The following GPM6B variants were observed in gnomAD, a reference collection of about 807,000 sequenced individuals.
GPM6B encodes glycoprotein M6B, also known as neuronal membrane glycoprotein M6-b.
A neutral mutation model predicts 27.2 loss-of-function variants in GPM6B; 4 were observed. That is an observed-to-expected ratio of 0.15 (90% CI 0.07 to 0.34). The LOEUF (loss-of-function observed/expected upper bound fraction) is 0.34, where lower values mean the gene tolerates loss of function less well. Ranked by LOEUF, GPM6B falls within the 10% of genes least tolerant of loss-of-function variation. The pLI is 1.00. For missense variants in GPM6B, 183 were observed against 261.9 expected (o/e 0.70, Z 2.08); for synonymous variants, 124 against 103.1 (o/e 1.20, Z -1.23).
intron 2 of GPM6B, among the ~76,000 whole-genome samples, chrX:13,788,536 C>CTG (rs1569197935): frequency 9.2e-6 from 1 of 109,093 alleles, no homozygotes; most frequent in Non-Finnish European, 1.9e-5. Flanking sequence ...CATTAATTCT[C>CTG]TGTGTGTATA....
Position 13,921,086 on chromosome X carries a change from TATCATA to T in GPM6B, c.-198+17235_-198+17240del, listed in dbSNP as rs1184904826. On this transcript the variant is annotated intron_variant, in intron 1 of 6. Transcript: ENST00000398361. ...TATGCTATCATCATTTATGTTTCAT[TATCATA>T]AAGAATGCCTTGTAAGAGTTTAATG... Among the ~76,000 whole-genome samples, 3 of 112,135 alleles carry T rather than the reference TATCATA, an allele frequency of 2.7e-5. No individual in the cohort carries two copies. The East Asian group carries it at 8.3e-4, about 31-fold the overall frequency.
rs555437861 is a variant in GPM6B at position 13,887,346 on chromosome X, G to A, written c.-198+50981C>T. On this transcript the variant is annotated intron_variant, in intron 1 of 6. Coordinates refer to the GPM6B transcript ENST00000398361. ...AAAAGCATGTTGGAGTGAATAGCATGGCATACCATCTTGATTACACAAGAC... is the reference window on the plus strand; with the variant it reads ...AAAAGCATGTTGGAGTGAATAGCATAGCATACCATCTTGATTACACAAGAC... 5.4e-5 allele frequency among the ~76,000 whole-genome samples: 6 copies of A among 112,083 alleles called. No individual in the cohort carries two copies. The South Asian group carries it at 2.2e-3, about 42-fold the overall frequency.
intron 7 of GPM6B, 128 bp from the exon 8 acceptor site, chrX:13,773,158 T>TA (rs2048332022): frequency 2.0e-6 from 1 of 507,416 alleles, no homozygotes; most frequent in African/African-American, 2.3e-5. Context: ...ATACTCGCTC[T>TA]ACTAGCAGAG....
At chrX:13,891,083 C>G (rs1029909033) in intron 1 of GPM6B, among the ~76,000 whole-genome samples, 8 of 111,252 alleles carry the variant, frequency 7.2e-5, no homozygotes, top group African/African-American at 2.6e-4. Context: ...AGCCACTGAA[C>G]TAGTGTTTAG....
intron 2 of GPM6B, among the ~76,000 whole-genome samples, chrX:13,805,978 GGTT>G (rs1164368022): frequency 9.1e-6 from 1 of 110,203 alleles, no homozygotes; most frequent in African/African-American, 3.3e-5. Flanking sequence ...CACATCTCAT[GGTT>G]TTTTTTGCTG....
intron 1 of GPM6B, among the ~76,000 whole-genome samples, chrX:13,868,518 C>G (rs1391121591): frequency 3.6e-5 from 4 of 111,849 alleles, no homozygotes; most frequent in Non-Finnish European, 5.6e-5. Context: ...TCACTAAAAG[C>G]GAAATGCAAG....
At chrX:13,856,948 A>G (rs927531792) in intron 1 of GPM6B, among the ~76,000 whole-genome samples, 3 of 111,072 alleles carry the variant, frequency 2.7e-5, no homozygotes, top group African/African-American at 9.8e-5. Context: ...TCTAAAGGAG[A>G]ATCCATTTCC....
chrX:13,788,729 A>G (rs1025225088), intron 2 of GPM6B, among the ~76,000 whole-genome samples: 54 of 109,923 alleles, frequency 4.9e-4, no homozygotes, highest in Non-Finnish European at 1.3e-4. Context: ...TTCCAAAGAA[A>G]TATCACAGCT....
chrX:13,899,803 T>G (rs1053477158), intron 1 of GPM6B, among the ~76,000 whole-genome samples: 2 of 111,539 alleles, frequency 1.8e-5, no homozygotes, highest in Non-Finnish European at 3.8e-5. Context: ...CCCGAACAGG[T>G]TGACATGAGA....
At chrX:13,835,483 C>A (rs2049485395) in intron 1 of GPM6B, among the ~76,000 whole-genome samples, 1 of 110,749 alleles carries the variant, frequency 9.0e-6, no homozygotes, top group African/African-American at 3.3e-5. Flanking sequence ...TGTCCTAGAC[C>A]CCAGTGAAAA....
chrX:13,869,154 A>G (rs1222969154), intron 1 of GPM6B, among the ~76,000 whole-genome samples: 2 of 112,495 alleles, frequency 1.8e-5, no homozygotes, highest in Admixed American at 1.9e-4. Context: ...ACAAATAGGA[A>G]TGAAGTACTG....
At chrX:13,782,873 T>C (rs1275319656) in intron 4 of GPM6B, among the ~76,000 whole-genome samples, 2 of 111,936 alleles carry the variant, frequency 1.8e-5, no homozygotes, top group African/African-American at 6.5e-5. Flanking sequence ...TCTTAGACTA[T>C]AAGCTGCTTG....
chrX:13,913,847 G>T (rs1394219573), intron 1 of GPM6B, among the ~76,000 whole-genome samples: 1 of 111,360 alleles, frequency 9.0e-6, no homozygotes, highest in Non-Finnish European at 1.9e-5. Flanking sequence ...AACCTCCCAG[G>T]CTCAAGCAAT....
In GPM6B at chrX:13,832,884, T is replaced by C. The variant is rs140030715; in HGVS notation, c.-197-47076A>G. Among the ~76,000 whole-genome samples the C allele has an allele frequency of 3.0e-3, 340 of 111,960 alleles. 2 individuals are homozygous for C. Among genetic ancestry groups the C allele is most frequent in the Middle Eastern group, 9.1e-3 (2 of 219 alleles). The stretch of plus-strand genomic sequence containing the variant: ...TAAATCTCAGTGATCTCATGGAATC[T>C]ACCAATAATATTTTAAGTCATTAAA... On this transcript the variant is annotated intron_variant, in intron 1 of 6. Transcript: ENST00000398361.
chrX:13,844,138 A>G (rs2049615591), intron 1 of GPM6B, among the ~76,000 whole-genome samples: 1 of 112,332 alleles, frequency 8.9e-6, no homozygotes, highest in South Asian at 3.7e-4. Flanking sequence ...TCCCAGCACC[A>G]TTTATTGAAA....
chrX:13,834,770 C>T (rs1002971325), intron 1 of GPM6B, among the ~76,000 whole-genome samples: 4 of 111,940 alleles, frequency 3.6e-5, no homozygotes, highest in Non-Finnish European at 7.5e-5. Flanking sequence ...CCCACTCATT[C>T]TCAGGAAAGC....
At chrX:13,927,236 C>T (rs146055682) in intron 1 of GPM6B, among the ~76,000 whole-genome samples, 2,554 of 111,372 alleles carry the variant, frequency 0.023, 72 homozygotes, top group East Asian at 0.19. Flanking sequence ...GTGACAATAG[C>T]AAATGCTGGT....
At chrX:13,807,095 A>C (rs375034931) in intron 2 of GPM6B, among the ~76,000 whole-genome samples, 16 of 112,448 alleles carry the variant, frequency 1.4e-4, no homozygotes, top group African/African-American at 3.9e-4. Flanking sequence ...AACCGGACCC[A>C]CTGAACCTAC....
chrX:13,838,334 AG>A (rs1396173151), intron 1 of GPM6B, among the ~76,000 whole-genome samples: 4 of 111,916 alleles, frequency 3.6e-5, no homozygotes, highest in African/African-American at 9.7e-5. Context: ...AAATCAATCT[AG>A]TACATCTTTA....
Sources: gnomAD v4.1 joint callset for allele counts (sites outside exome capture counted in the v4.1 genomes callset) on GRCh38, gnomAD v4.1.1 for gene constraint, MANE v1.5 for transcripts, NCBI Gene and HGNC (gene_info 2026-07-23, HGNC 2026-07-21) for gene names.